Variants in TSNARE1 observed in about 807,000 individuals in gnomAD.
TSNARE1 encodes the protein t-SNARE domain-containing protein 1.
In TSNARE1, 49 loss-of-function variants were observed where a neutral mutation model predicts 62.0. That is an observed-to-expected ratio of 0.79 (90% CI 0.63 to 1.00). The LOEUF is 1.00. TSNARE1 is among the 50% of genes least tolerant of loss of function. The pLI is 0.00. For missense variants in TSNARE1, 755 were observed against 700.1 expected (o/e 1.08, Z -0.88); for synonymous variants, 328 against 294.4 (o/e 1.11, Z -1.17).
Position 142,218,573 on chromosome 8 carries a change from C to T in TSNARE1, c.*12-6260G>A, listed in dbSNP as rs1003259352. On this transcript the variant is annotated intron_variant, in intron 13 of 13. Coordinates refer to ENST00000524325, the MANE Select transcript of TSNARE1 (RefSeq NM_145003.5). Reference sequence around the variant, plus strand: ...CATGGGCCACCCCTCGATGAAGAGCCTCAGCTGCCAGGGAGCTGTGAGCCC... The same window carrying T: ...CATGGGCCACCCCTCGATGAAGAGCTTCAGCTGCCAGGGAGCTGTGAGCCC... Among the ~76,000 whole-genome samples the T allele has an allele frequency of 2.0e-5, 3 of 152,336 alleles. No homozygotes were observed. The South Asian group carries it at 6.2e-4, about 32-fold the overall frequency.
chr8:142,226,536 G>T (rs1349113485), intron 13 of TSNARE1, among the ~76,000 whole-genome samples: 1 of 152,138 alleles, frequency 6.6e-6, no homozygotes, highest in Non-Finnish European at 1.5e-5. Context: ...GGACCCTGGT[G>T]GCCCCCAGAG....
chr8:142,223,185 T>TTCATCCAGTCACTCATTCATCCACTCAC (rs1563756937), intron 13 of TSNARE1, among the ~76,000 whole-genome samples: 1 of 45,934 alleles, frequency 2.2e-5, no homozygotes, highest in East Asian at 1.0e-3. Context: ...TATTCACTCA[T>TTCATCCAGTCACTCATTCATCCACTCAC]TCACTCGTTC....
At chr8:142,288,611 G>A (rs1341447928) in intron 10 of TSNARE1, among the ~76,000 whole-genome samples, 2 of 152,246 alleles carry the variant, frequency 1.3e-5, no homozygotes, top group East Asian at 1.9e-4. Flanking sequence ...CGGCACTCGC[G>A]GAGCCACCTG....
intron 12 of TSNARE1, among the ~76,000 whole-genome samples, chr8:142,243,671 G>C (rs1817761855): frequency 6.6e-6 from 1 of 152,134 alleles, no homozygotes; most frequent in Non-Finnish European, 1.5e-5. Flanking sequence ...AATACGTTCT[G>C]GTGCTCTAAC....
chr8:142,302,291 T>G (rs982474728), intron 9 of TSNARE1, among the ~76,000 whole-genome samples: 1 of 152,084 alleles, frequency 6.6e-6, no homozygotes, highest in African/African-American at 2.4e-5. Flanking sequence ...CAGACCACCC[T>G]GCCTGCCCAG....
chr8:142,374,659 G>C (rs910400649), intron 1 of TSNARE1, among the ~76,000 whole-genome samples: 5 of 147,664 alleles, frequency 3.4e-5, no homozygotes, highest in Non-Finnish European at 7.4e-5. Flanking sequence ...CAGCCTGGGC[G>C]ACAGAGTGAG....
intron 13 of TSNARE1, among the ~76,000 whole-genome samples, chr8:142,228,527 C>T (rs2130057125): frequency 6.6e-6 from 1 of 152,368 alleles, no homozygotes; most frequent in South Asian, 2.1e-4. Flanking sequence ...TCCGAATGCA[C>T]ACTCACCACA....
intron 12 of TSNARE1, among the ~76,000 whole-genome samples, chr8:142,239,728 G>A (rs572961177): frequency 1.3e-5 from 2 of 152,286 alleles, no homozygotes; most frequent in African/African-American, 4.8e-5. Context: ...CGTTAAATAC[G>A]TGGTTAGCGC....
At chr8:142,253,704 G>A (rs1481652581) in intron 12 of TSNARE1, among the ~76,000 whole-genome samples, 2 of 152,204 alleles carry the variant, frequency 1.3e-5, no homozygotes, top group African/African-American at 4.8e-5. Flanking sequence ...GGGTGACCTC[G>A]CTGAATCTCC....
chr8:142,320,771 C>T (rs1266851065), intron 6 of TSNARE1, among the ~76,000 whole-genome samples: 2 of 152,242 alleles, frequency 1.3e-5, no homozygotes, highest in Non-Finnish European at 2.9e-5. Flanking sequence ...CCAGACAGCT[C>T]CCCTGGGAGG....
intron 12 of TSNARE1, among the ~76,000 whole-genome samples, chr8:142,235,775 G>C (rs900194041): frequency 6.6e-6 from 1 of 152,178 alleles, no homozygotes; most frequent in Non-Finnish European, 1.5e-5. Context: ...ACATGGCGTT[G>C]GGTCCACTGT....
At position 142,344,154 on chromosome 8, in the gene TSNARE1, T is replaced by A; in HGVS notation, c.557A>T (p.His186Leu). 1 of 1,613,240 alleles carries A rather than the reference T, an allele frequency of 6.2e-7. No individual in the cohort carries two copies. The highest frequency in any genetic ancestry group is 8.5e-7 in the Non-Finnish European group (1 of 1,179,846). Residue 186 changes from histidine to leucine, a missense_variant, in exon 4 of 14, where the codon CAC (histidine) becomes CTC (leucine). Coordinates refer to ENST00000524325, the MANE Select transcript of TSNARE1 (RefSeq NM_145003.5). The stretch of plus-strand genomic sequence containing the variant: ...GACGGCTCGTAGGTCCCGCCACTTG[T>A]GCTTCAGGTCCACAACGTCGCGGCG... The part of the protein sequence containing the change: ...YCRRDVVDLK[H>L]KWRDLRAVVR...
chr8:142,278,332 T>A, intron 11 of TSNARE1: 1 of 985,440 alleles, frequency 1.0e-6, no homozygotes, highest in Non-Finnish European at 1.2e-6. Flanking sequence ...AGTTCTGCCA[T>A]GGCTGCCACT....
Position 142,330,892 on chromosome 8 carries a change from C to A in TSNARE1, c.893+9G>T, listed in dbSNP as rs748735984. On this transcript the variant is annotated intron_variant, in intron 6 of 13. Coordinates refer to ENST00000524325, the MANE Select transcript of TSNARE1 (RefSeq NM_145003.5). ...CCAGGCAAAGAGATACCATGGCCCA[C>A]ACACTCACAGGCTGTCCCGAAGCTC... 9 of 1,613,986 alleles carry A rather than the reference C, an allele frequency of 5.6e-6. No individual in the cohort carries two copies. The highest frequency in any genetic ancestry group is 6.8e-6 in the Non-Finnish European group (8 of 1,179,914).
At chr8:142,304,517 T>A (rs1826337925) in intron 9 of TSNARE1, among the ~76,000 whole-genome samples, 2 of 152,220 alleles carry the variant, frequency 1.3e-5, no homozygotes, top group Non-Finnish European at 2.9e-5. Flanking sequence ...GCACAGCAGC[T>A]GTGCACCTCA....
At chr8:142,252,167 G>C (rs1818210291) in intron 12 of TSNARE1, among the ~76,000 whole-genome samples, 1 of 152,278 alleles carries the variant, frequency 6.6e-6, no homozygotes. Flanking sequence ...CGTTGAGAGA[G>C]AGCTTGTTTG....
chr8:142,306,010 A>G (rs931467443), intron 9 of TSNARE1, among the ~76,000 whole-genome samples: 1 of 152,098 alleles, frequency 6.6e-6, no homozygotes, highest in Non-Finnish European at 1.5e-5. Flanking sequence ...CCACTTTCTC[A>G]TGCACTCCGA....
At chr8:142,303,645 C>A (rs993522276) in intron 9 of TSNARE1, among the ~76,000 whole-genome samples, 1 of 152,202 alleles carries the variant, frequency 6.6e-6, no homozygotes, top group East Asian at 1.9e-4. Context: ...GGCTGGACAC[C>A]GAACCAGTGG....
At chr8:142,367,555 A>G (rs1835644702) in intron 1 of TSNARE1, among the ~76,000 whole-genome samples, 1 of 152,366 alleles carries the variant, frequency 6.6e-6, no homozygotes, top group Admixed American at 6.5e-5. Context: ...AGTGACTGCT[A>G]ATATATGTGG....
Sources: gnomAD v4.1 joint callset for allele counts (sites outside exome capture counted in the v4.1 genomes callset) on GRCh38, gnomAD v4.1.1 for gene constraint, MANE v1.5 for transcripts, NCBI Gene and HGNC (gene_info 2026-07-23, HGNC 2026-07-21) for gene names.